HTT: variants seen among roughly 807,000 people sequenced by gnomAD.
The protein encoded by HTT is huntingtin, also known as huntington disease protein.
HTT carries 104 observed loss-of-function variants against 362.3 expected under a neutral mutation model. That is an observed-to-expected ratio of 0.29 (90% CI 0.24 to 0.34). The LOEUF is 0.34. HTT is among the 10% of genes least tolerant of loss of function. The pLI, the probability that HTT is intolerant of heterozygous loss-of-function variation, is 1.00. For synonymous variants in HTT, 1,577 were observed against 1,548.7 expected (o/e 1.02, Z -0.43); for missense variants, 3,301 against 3,928.6 (o/e 0.84, Z 4.27).
chr4:3,186,644 T>C lies in HTT; in HGVS notation c.4914T>C (p.Phe1638=). 6.2e-7 allele frequency: 1 copy of C among 1,612,612 alleles called. No homozygotes were observed. Among genetic ancestry groups the C allele is most frequent in the Non-Finnish European group, 8.5e-7 (1 of 1,178,714 alleles). The change falls in exon 38 of 67, where the codon TTT becomes TTC. Residue 1638 remains phenylalanine, a synonymous_variant. Transcript: ENST00000355072. The part of the protein sequence containing the change: ...HEALGVLNTL[F]EILAPSSLRP... ...CCCTTGGAGTGTTAAATACATTATT[T>C]GAGATTTTGGCCCCTTCCTCCCTCC...
Position 3,132,566 on chromosome 4 carries a change from A to G in HTT, c.2241A>G (p.Glu747=), listed in dbSNP as rs374614171. The G allele has an allele frequency of 1.9e-6, 3 of 1,613,716 alleles. No homozygotes were observed. Among genetic ancestry groups the G allele is most frequent in the African/African-American group, 2.7e-5 (2 of 75,040 alleles). The change falls in exon 17 of 67, where the codon GAA becomes GAG. Residue 747 remains glutamate (E), a synonymous_variant. Coordinates refer to ENST00000355072, the MANE Select transcript of HTT (RefSeq NM_001388492.1). ...CTGAGCAATTTATCTCCACAGAGGA[A>G]CAGTATGTCTCAGACATCTTGAACT... The part of the protein sequence containing the change: ...VPLDTTEYPE[E]QYVSDILNYI...
At chr4:3,214,606 G>A (rs1345506497) in intron 50 of HTT, among the ~76,000 whole-genome samples, 5 of 152,172 alleles carry the variant, frequency 3.3e-5, no homozygotes, top group Non-Finnish European at 7.3e-5. Context: ...AGGGTCATTA[G>A]CCACAATTTT....
chr4:3,204,935 A>G (rs1719782329), intron 42 of HTT, among the ~76,000 whole-genome samples: 1 of 152,242 alleles, frequency 6.6e-6, no homozygotes, highest in Non-Finnish European at 1.5e-5. Context: ...GTGAGCTGTG[A>G]CTGTGTCACT....
chr4:3,228,445 C>T lies in HTT; in HGVS notation c.7849-170C>T, dbSNP rs539729076. 1.3e-5 allele frequency among the ~76,000 whole-genome samples: 2 copies of T among 152,322 alleles called. No individual in the cohort carries two copies. Among genetic ancestry groups the T allele is most frequent in the East Asian group, 3.9e-4 (2 of 5,176 alleles). ...TCCCAGCAGCTGTCCAGCCCCTGCCCCACCCTCTCTGTGGGCTCCCTTGCC... is the reference window on the plus strand; with the variant it reads ...TCCCAGCAGCTGTCCAGCCCCTGCCTCACCCTCTCTGTGGGCTCCCTTGCC... On this transcript the variant is annotated intron_variant, in intron 57 of 66. Transcript: ENST00000355072. This position sits in a 1 kb window ranked among gnomAD's most constrained non-coding sequence, Gnocchi z 4.3.
chr4:3,212,770 A>G, intron 49 of HTT, 61 bp downstream of exon 49: 2 of 1,564,590 alleles, frequency 1.3e-6, no homozygotes, highest in Non-Finnish European at 1.8e-6. Flanking sequence ...CTGACACTGA[A>G]GAGGGTAAAG....
intron 62 of HTT, 35 bp from the exon 63 acceptor site, chr4:3,235,530 G>T: frequency 1.3e-6 from 2 of 1,596,960 alleles, no homozygotes; most frequent in South Asian, 1.1e-5. Flanking sequence ...ACTGTGCAGC[G>T]ATTCTTTGAC....
At chr4:3,141,079 G>A (rs140140833) in intron 22 of HTT, among the ~76,000 whole-genome samples, 3 of 152,192 alleles carry the variant, frequency 2.0e-5, no homozygotes, top group Non-Finnish European at 4.4e-5. Context: ...AGTGATTTGC[G>A]AGATTATCAT....
At chr4:3,103,759 T>C in intron 3 of HTT, 65 bp from the exon 4 acceptor site, 1 of 1,009,846 alleles carries the variant, frequency 9.9e-7, no homozygotes, top group Non-Finnish European at 1.5e-6. Flanking sequence ...CTTAGTTTCC[T>C]TTTAGCTCGT....
At chr4:3,090,394 G>C (rs977333279) in intron 2 of HTT, among the ~76,000 whole-genome samples, 1 of 152,112 alleles carries the variant, frequency 6.6e-6, no homozygotes, top group African/African-American at 2.4e-5. Context: ...AGTAGGTAGG[G>C]ACTACACATT....
chr4:3,210,615 G>T (rs528800846), intron 47 of HTT, among the ~76,000 whole-genome samples: 1 of 151,970 alleles, frequency 6.6e-6, no homozygotes. Context: ...GCAGTGGGGG[G>T]GCCACCTCTT....
In HTT at chr4:3,132,562, A is replaced by G. The variant is rs769875403; in HGVS notation, c.2237A>G (p.Glu746Gly). 2 of 1,613,512 alleles carry G rather than the reference A, an allele frequency of 1.2e-6. No homozygotes were observed. The highest frequency in any genetic ancestry group is 2.2e-5 in the South Asian group (2 of 91,044). Residue 746 changes from glutamate (E) to glycine (G), a missense_variant and splice_region_variant, in exon 17 of 67, where the codon GAG becomes GGG. Coordinates refer to ENST00000355072, the MANE Select transcript of HTT (RefSeq NM_001388492.1). ...ATGGCTGAGCAATTTATCTCCACAGAGGAACAGTATGTCTCAGACATCTTG... is the reference window on the plus strand; with the variant it reads ...ATGGCTGAGCAATTTATCTCCACAGGGGAACAGTATGTCTCAGACATCTTG... ...KVPLDTTEYP[E>G]EQYVSDILNY...
chr4:3,093,860 C>CTTTTT (rs1179450975), intron 2 of HTT, among the ~76,000 whole-genome samples: 1 of 73,366 alleles, frequency 1.4e-5, no homozygotes, highest in Non-Finnish European at 2.8e-5. Context: ...CTGCCAATTC[C>CTTTTT]TTTTTTTTTT....
At position 3,206,642 on chromosome 4, in the gene HTT, G is replaced by A. The variant is rs368505061; in HGVS notation, c.5865G>A (p.Gln1955=). Reference sequence around the variant, plus strand: ...CTGCTGCCAGCGGCCTGTTCATCCAGGCAATTCAGTCTCGTTGTGAAAACC... The same window carrying A: ...CTGCTGCCAGCGGCCTGTTCATCCAAGCAATTCAGTCTCGTTGTGAAAACC... ...RNSAASGLFI[Q]AIQSRCENLS... The change falls in exon 43 of 67, where the codon CAG becomes CAA. Residue 1955 remains glutamine (Q), a synonymous_variant. Transcript: ENST00000355072. The surrounding 1 kb of genome is among the most constrained non-coding windows in gnomAD (Gnocchi z 4.6). 45 of 1,614,076 alleles carry A rather than the reference G, an allele frequency of 2.8e-5. No individual in the cohort carries two copies. The highest frequency in any genetic ancestry group is 3.6e-5 in the Non-Finnish European group (43 of 1,180,056).
intron 29 of HTT, among the ~76,000 whole-genome samples, chr4:3,170,057 T>G (rs2110228959): frequency 6.6e-6 from 1 of 152,388 alleles, no homozygotes; most frequent in South Asian, 2.1e-4. Context: ...TTCTCATTGG[T>G]TGATTGATAC....
At position 3,115,299 on chromosome 4, in the gene HTT, C is replaced by T. The variant is rs753998335; in HGVS notation, c.748-5C>T. ...TTTTATCTACTTGGACTTTTGCTTC[C>T]GTAGGTTTTGTTAAAGGCCTTCATA... On this transcript the variant is annotated splice_polypyrimidine_tract_variant and splice_region_variant and intron_variant, in intron 6 of 66. Transcript: ENST00000355072. The T allele has an allele frequency of 2.6e-5, 42 of 1,612,582 alleles. No individual in the cohort carries two copies. The highest frequency in any genetic ancestry group is 1.6e-4 in the Middle Eastern group (1 of 6,078).
chr4:3,099,203 A>C, intron 2 of HTT, 71 bp from the exon 3 acceptor site: 3 of 1,003,680 alleles, frequency 3.0e-6, no homozygotes, highest in Non-Finnish European at 4.7e-6. Flanking sequence ...AGGACACCGG[A>C]TACCTCATTA....
At chr4:3,098,485 A>G (rs1713977245) in intron 2 of HTT, among the ~76,000 whole-genome samples, 2 of 152,248 alleles carry the variant, frequency 1.3e-5, no homozygotes, top group Admixed American at 1.3e-4. Context: ...GATTACTTCA[A>G]GAACATCCTT....
At chr4:3,080,605 A>T (rs1398133811) in intron 1 of HTT, among the ~76,000 whole-genome samples, 1 of 152,140 alleles carries the variant, frequency 6.6e-6, no homozygotes, top group Non-Finnish European at 1.5e-5. Flanking sequence ...TTTAATTTTG[A>T]TGAAGTCGAG....
At chr4:3,227,016 G>A (rs1720953786) in intron 57 of HTT, among the ~76,000 whole-genome samples, 1 of 152,224 alleles carries the variant, frequency 6.6e-6, no homozygotes, top group Non-Finnish European at 1.5e-5. Flanking sequence ...TTTCTGAAGG[G>A]CAGGCTGAGA....
Sources: allele counts gnomAD v4.1 joint callset (sites outside exome capture counted in the v4.1 genomes callset), GRCh38; gene constraint gnomAD v4.1.1; non-coding constraint Gnocchi (gnomAD v3.1); transcripts MANE v1.5; gene names NCBI Gene and HGNC (gene_info 2026-07-23, HGNC 2026-07-21).